CYP7A1: variants seen among roughly 807,000 people sequenced by gnomAD.
The protein encoded by CYP7A1 is cytochrome P450 7A1.
In CYP7A1, 28 loss-of-function variants were observed where a neutral mutation model predicts 43.8. The ratio of observed to expected loss-of-function variants is 0.64; its 90% CI spans 0.47 to 0.88. CYP7A1 has a LOEUF of 0.88. Ranked by LOEUF, CYP7A1 falls within the 40% of genes least tolerant of loss-of-function variation. The probability of loss-of-function intolerance (pLI) is 0.00; values close to 1 mark genes in which losing one functional copy is unlikely to be tolerated. For missense variants in CYP7A1, 637 were observed against 611.9 expected, an observed-to-expected ratio of 1.04 and a Z score of -0.43; for synonymous variants, 227 against 222.5, an observed-to-expected ratio of 1.02 and a Z score of -0.18.
At position 58,496,791 on chromosome 8, in the gene CYP7A1, T is replaced by G. The variant is rs1809448694; in HGVS notation, c.721A>C (p.Ser241Arg). 2 of 1,614,100 alleles carry G rather than the reference T, an allele frequency of 1.2e-6. No individual in the cohort carries two copies. The highest frequency in any genetic ancestry group is 2.7e-5 in the African/African-American group (2 of 74,930). The stretch of plus-strand genomic sequence containing the variant: ...TTTTGGAGGTTCTCGTGCCTCAAGC[T>G]CTCTGCCAGTTTCTCCCGGGCATTG... ...AHNAREKLAESLRHENLQKRE... is the reference protein window; with the variant it reads ...AHNAREKLAERLRHENLQKRE... The change falls in exon 3 of 6, where the codon AGC becomes CGC. Residue 241 changes from serine (S) to arginine (R), a missense_variant. Coordinates refer to ENST00000301645, the MANE Select transcript of CYP7A1 (RefSeq NM_000780.4).
chr8:58,498,085 TTA>T, intron 2 of CYP7A1, 142 bp downstream of exon 2: 2 of 894,786 alleles, frequency 2.2e-6, no homozygotes, highest in Non-Finnish European at 3.4e-6. Context: ...TATAATTTAT[TTA>T]TGTTTCTAAG....
In CYP7A1 at chr8:58,493,718, G is replaced by A. The variant is rs540211399; in HGVS notation, c.1039+788C>T. On this transcript the variant is annotated intron_variant, in intron 4 of 5. Transcript: ENST00000301645. ...ATTACTATAAACATATCATATTGTT[G>A]GCCGGGTGCGGTGGCTCATGCCTGT... Among the ~76,000 whole-genome samples, 7 of 152,286 alleles carry A rather than the reference G, an allele frequency of 4.6e-5. No individual in the cohort carries two copies. The South Asian group carries it at 1.0e-3, about 23-fold the overall frequency.
chr8:58,495,215 T>TTCCATTTATTTATTTATTTA (rs369276545), intron 3 of CYP7A1, among the ~76,000 whole-genome samples: 1 of 143,404 alleles, frequency 7.0e-6, no homozygotes, highest in Admixed American at 7.0e-5. Flanking sequence ...TTTATTTTAT[T>TTCCATTTATTTATTTATTTA]TTTATTTATT....
At chr8:58,492,323 G>A (rs1344211289) in intron 5 of CYP7A1, 30 bp downstream of exon 5, 15 of 1,555,808 alleles carry the variant, frequency 9.6e-6, no homozygotes, top group Admixed American at 1.7e-5. Context: ...CTATCACCTG[G>A]ATATTGAATT....
In CYP7A1 at chr8:58,495,582, A is replaced by T. The variant is rs548743907; in HGVS notation, c.909-946T>A. Among the ~76,000 whole-genome samples the T allele has an allele frequency of 2.2e-3, 335 of 152,290 alleles. 1 individual carries two copies. The highest frequency in any genetic ancestry group is 0.02 in the Middle Eastern group (6 of 294). On this transcript the variant is annotated intron_variant, in intron 3 of 5. Coordinates refer to ENST00000301645, the MANE Select transcript of CYP7A1 (RefSeq NM_000780.4). ...TAACAAGGATTAAACATGTCTAGGG[A>T]GCTACATAACAAAATTACAGTAAGT...
intron 2 of CYP7A1, among the ~76,000 whole-genome samples, chr8:58,497,649 A>G (rs1809466273): frequency 6.6e-6 from 1 of 152,112 alleles, no homozygotes; most frequent in Non-Finnish European, 1.5e-5. Flanking sequence ...CTCAAATAGC[A>G]GGGACTACAG....
chr8:58,496,867 G>T lies in CYP7A1; in HGVS notation c.645C>A (p.Val215=), dbSNP rs1585643802. Residue 215 remains valine, a synonymous_variant, in exon 3 of 6, where the codon GTC becomes GTA. Coordinates refer to ENST00000301645, the MANE Select transcript of CYP7A1 (RefSeq NM_000780.4). ...GGAGGCCTGCTACCAGGGCTGGAAAGACTTTGTCGAATTGCTTGAAGTTGT... is the reference window on the plus strand; with the variant it reads ...GGAGGCCTGCTACCAGGGCTGGAAATACTTTGTCGAATTGCTTGAAGTTGT... ...NLDNFKQFDK[V]FPALVAGLPI... is the part of the protein sequence containing the mutation. The T allele has an allele frequency of 1.2e-6, 2 of 1,614,222 alleles. No homozygotes were observed. The highest frequency in any genetic ancestry group is 2.2e-5 in the East Asian group (1 of 44,888).
At chr8:58,498,184 A>G (rs1197114060) in intron 2 of CYP7A1, 45 bp downstream of exon 2, 1 of 1,607,498 alleles carries the variant, frequency 6.2e-7, no homozygotes, top group Admixed American at 1.7e-5. Flanking sequence ...GCACATAAAA[A>G]GGTAGAAGAC....
At position 58,491,519 on chromosome 8, in the gene CYP7A1, G is replaced by A. The variant is rs1415550085; in HGVS notation, c.1471C>T (p.Pro491Ser). The A allele has an allele frequency of 6.2e-7, 1 of 1,614,060 alleles. No homozygotes were observed. The highest frequency in any genetic ancestry group is 1.1e-5 in the South Asian group (1 of 91,076). ...TATTTAAATTCAATATCATTCAATG[G>A]CGGCAAAATGCCCAAGCCTGCCCGG... ...QSRAGLGILP[P>S]LNDIEFKYKF... The change falls in exon 6 of 6, where the codon CCA becomes TCA. Residue 491 changes from proline (P) to serine (S), a missense_variant. Pro to Ser is a moderately conservative substitution (Grantham distance 74, BLOSUM62 -1). Transcript: ENST00000301645.
At position 58,497,241 on chromosome 8, in the gene CYP7A1, T is replaced by C. The variant is rs748199397; in HGVS notation, c.322-51A>G. On this transcript the variant is annotated intron_variant, in intron 2 of 5. Coordinates refer to ENST00000301645, the MANE Select transcript of CYP7A1 (RefSeq NM_000780.4). ...AAAGAAGTTAAACCTGACCTAGTCA[T>C]AGTAAATGACTGAAAAACGGATTAG... 25 of 1,441,348 alleles carry C rather than the reference T, an allele frequency of 1.7e-5. No individual in the cohort carries two copies. In the South Asian group the frequency reaches 1.9e-4, roughly 11 times the overall value. 89.3% of individuals were successfully genotyped at this position (1,441,348 alleles called of 1,614,324 possible).
At chr8:58,497,279 T>A in intron 2 of CYP7A1, 89 bp from the exon 3 acceptor site, 1 of 1,100,264 alleles carries the variant, frequency 9.1e-7, no homozygotes, top group Non-Finnish European at 1.4e-6. Context: ...ACTTTCATAG[T>A]TCCTTACTTG....
In CYP7A1 at chr8:58,497,164, C is replaced by T. The variant is rs752121324; in HGVS notation, c.348G>A (p.Pro116=). ...TGTTTTCAGTGGTATTTCCATCCAT[C>T]GGGTCAATGCTTCTGTGCCCAAATG... is the stretch of plus-strand genomic sequence containing the variant. ...AKAFGHRSID[P]MDGNTTENIN... Residue 116 remains proline, a synonymous_variant, in exon 3 of 6, where the codon CCG becomes CCA. Transcript: ENST00000301645. 17 of 1,599,188 alleles carry T rather than the reference C, an allele frequency of 1.1e-5. No homozygotes were observed. The highest frequency in any genetic ancestry group is 2.2e-5 in the East Asian group (1 of 44,866).
In CYP7A1 at chr8:58,490,780, G is replaced by A. The variant is rs1425190058; in HGVS notation, c.*695C>T. ...TTTAAAGCCCTGAATTTTGGATATAGAAGAAGTTGAAAAATATTTCCTTTT... is the reference window on the plus strand; with the variant it reads ...TTTAAAGCCCTGAATTTTGGATATAAAAGAAGTTGAAAAATATTTCCTTTT... On this transcript the variant is annotated 3_prime_UTR_variant, in exon 6 of 6. Transcript: ENST00000301645. 6.6e-6 allele frequency: 1 copy of A among 152,186 alleles called. No homozygotes were observed. The highest frequency in any genetic ancestry group is 1.5e-5 in the Non-Finnish European group (1 of 68,034). The allele number at this position is 152,186 out of a possible 1,614,324, so 9.4% of individuals were successfully genotyped here. A position where few individuals can be genotyped will look rare whatever the true frequency, so the allele number is the denominator to read the frequency against.
rs777238502 is a variant in CYP7A1 at position 58,492,442 on chromosome 8, C to T, written c.1126G>A (p.Asp376Asn). Residue 376 changes from aspartate to asparagine, a missense_variant, in exon 5 of 6, where the codon GAC becomes AAC. Transcript: ENST00000301645. ...AKEDFTLHLE[D>N]GSYNIRKDDI... ...TCTTTTCGGATGTTGTAGGAACCGT[C>T]CTCAAGGTGCAAAGTGAAATCCTCC... is the stretch of plus-strand genomic sequence containing the variant. The T allele has an allele frequency of 3.7e-6, 6 of 1,613,856 alleles. No individual in the cohort carries two copies. Among genetic ancestry groups the T allele is most frequent in the Non-Finnish European group, 5.1e-6 (6 of 1,179,898 alleles).
intron 5 of CYP7A1, 115 bp from the exon 6 acceptor site, chr8:58,491,889 AT>A: frequency 1.2e-6 from 1 of 824,564 alleles, no homozygotes; most frequent in South Asian, 1.5e-5. Flanking sequence ...CCCATTAGTG[AT>A]TTAGCAAATA....
intron 2 of CYP7A1, among the ~76,000 whole-genome samples, chr8:58,497,922 T>C (rs1809472922): frequency 6.6e-6 from 1 of 152,252 alleles, no homozygotes; most frequent in Non-Finnish European, 1.5e-5. Context: ...GCATAGACAT[T>C]GCTGATGTGA....
At chr8:58,498,601 A>G in intron 1 of CYP7A1, 132 bp from the exon 2 acceptor site, 1 of 915,102 alleles carries the variant, frequency 1.1e-6, no homozygotes, top group Non-Finnish European at 1.7e-6. Context: ...CTTTTGTTGG[A>G]TGGGCCCTGC....
chr8:58,493,774 C>T lies in CYP7A1; in HGVS notation c.1039+732G>A, dbSNP rs184428187. Among the ~76,000 whole-genome samples, 1,052 of 152,100 alleles carry T rather than the reference C, an allele frequency of 6.9e-3. 7 individuals are homozygous for T. Among genetic ancestry groups the T allele is most frequent in the African/African-American group, 0.016 (650 of 41,496 alleles). Reference sequence around the variant, plus strand: ...CAGCACTTTGGGAGGCCGAGGCGGGCAGATCACTTGAGGTCAGGAGTTCGA... The same window carrying T: ...CAGCACTTTGGGAGGCCGAGGCGGGTAGATCACTTGAGGTCAGGAGTTCGA... On this transcript the variant is annotated intron_variant, in intron 4 of 5. Coordinates refer to ENST00000301645, the MANE Select transcript of CYP7A1 (RefSeq NM_000780.4).
rs377468466 is a variant in CYP7A1 at position 58,491,817 on chromosome 8, A to C, written c.1216-43T>G. On this transcript the variant is annotated intron_variant, in intron 5 of 5. Coordinates refer to ENST00000301645, the MANE Select transcript of CYP7A1 (RefSeq NM_000780.4). ...AGAAAACCGCCTTTAAGCTAGTTTTAAAGAAATTTATCTCTTTCTAAACCT... is the reference window on the plus strand; with the variant it reads ...AGAAAACCGCCTTTAAGCTAGTTTTCAAGAAATTTATCTCTTTCTAAACCT... 4.4e-5 allele frequency: 67 copies of C among 1,522,478 alleles called. No individual in the cohort carries two copies. In the African/African-American group the frequency reaches 7.7e-4, roughly 17 times the overall value. 94.3% of individuals were successfully genotyped at this position (1,522,478 alleles called of 1,614,324 possible).
Sources: gnomAD v4.1 joint callset for allele counts (sites outside exome capture counted in the v4.1 genomes callset) on GRCh38, gnomAD v4.1.1 for gene constraint, MANE v1.5 for transcripts, NCBI Gene and HGNC (gene_info 2026-07-23, HGNC 2026-07-21) for gene names.